Variants in C1orf159 observed in about 807,000 individuals in gnomAD.
The protein encoded by C1orf159 is uncharacterized protein C1orf159.
Under a neutral mutation model 25.6 loss-of-function variants are expected in C1orf159, and 19 were observed. The observed-to-expected ratio is 0.74, with a 90% CI of 0.52 to 1.09. The LOEUF (loss-of-function observed/expected upper bound fraction) is 1.09. C1orf159 is among the 50% of genes least tolerant of loss of function. The pLI is 0.00. For synonymous variants in C1orf159, 139 were observed against 124.7 expected, an observed-to-expected ratio of 1.12 and a Z score of -0.77; for missense variants, 274 against 290.6, an observed-to-expected ratio of 0.94 and a Z score of 0.42.
chr1:1,113,996 A>G (rs1646299379), intron 1 of C1orf159, among the ~76,000 whole-genome samples: 1 of 145,562 alleles, frequency 6.9e-6, no homozygotes, highest in Non-Finnish European at 1.5e-5. Context: ...GGCTCACTGC[A>G]ACCTCCGCCT....
rs1646249900 is a variant in C1orf159 at position 1,110,972 on chromosome 1, ATGGAT to A, written c.-136+5083_-136+5087del. Among the ~76,000 whole-genome samples, 1 of 152,250 alleles carries A rather than the reference ATGGAT, an allele frequency of 6.6e-6. No individual in the cohort carries two copies. Among genetic ancestry groups the A allele is most frequent in the South Asian group, 2.1e-4 (1 of 4,836 alleles). On this transcript the variant is annotated intron_variant, in intron 1 of 9. Transcript: ENST00000421241. The surrounding 1 kb of genome is among the most constrained non-coding windows in gnomAD (Gnocchi z 4.8). ...TGGAGCAGCCTGCGAGGCAATCTCC[ATGGAT>A]CACAGGCAGATTCTACATCACGACA...
intron 1 of C1orf159, among the ~76,000 whole-genome samples, chr1:1,107,081 C>T (rs913009787): frequency 6.6e-6 from 1 of 152,238 alleles, no homozygotes. Context: ...CGAGCCTCCC[C>T]AACGGGCACC....
At chr1:1,090,807 C>T in intron 3 of C1orf159, 3 of 1,326,470 alleles carry the variant, frequency 2.3e-6, no homozygotes, top group Non-Finnish European at 3.2e-6. Context: ...GCCTGGCTGG[C>T]ATTTCAGGGG....
At chr1:1,096,752 C>T (rs897867363) in intron 1 of C1orf159, among the ~76,000 whole-genome samples, 15 of 152,228 alleles carry the variant, frequency 9.9e-5, no homozygotes, top group Non-Finnish European at 2.1e-4. Flanking sequence ...TGAGACATGG[C>T]CTCACTCTGT....
At chr1:1,091,173 C>T (rs1050395184) in intron 3 of C1orf159, 12 of 618,354 alleles carry the variant, frequency 1.9e-5, no homozygotes, top group Admixed American at 1.5e-4. Context: ...TAGCGATGCG[C>T]GGCACGCTGT....
intron 1 of C1orf159, among the ~76,000 whole-genome samples, chr1:1,104,978 A>G (rs954622537): frequency 3.3e-5 from 5 of 152,234 alleles, no homozygotes; most frequent in African/African-American, 7.2e-5. Context: ...CATGCCAGAC[A>G]CCACGCGAAG....
chr1:1,091,000 G>C, intron 3 of C1orf159: 2 of 1,539,516 alleles, frequency 1.3e-6, no homozygotes, highest in Non-Finnish European at 1.8e-6. Context: ...GCAGTGAACG[G>C]TGAGGGCGTC....
intron 1 of C1orf159, among the ~76,000 whole-genome samples, chr1:1,098,708 T>C (rs1646045361): frequency 6.6e-5 from 10 of 152,138 alleles, no homozygotes; most frequent in Admixed American, 5.9e-4. Context: ...GTCTTTTGGG[T>C]TCACACCATT....
chr1:1,091,703 G>A (rs1645939738), intron 2 of C1orf159, 138 bp from the exon 3 acceptor site: 4 of 633,412 alleles, frequency 6.3e-6, no homozygotes, highest in Admixed American at 2.2e-5. Flanking sequence ...AAATGGAGAT[G>A]GGTGGGGCTG....
intron 1 of C1orf159, among the ~76,000 whole-genome samples, chr1:1,105,503 C>A (rs1646158560): frequency 6.6e-6 from 1 of 151,034 alleles, no homozygotes; most frequent in Admixed American, 6.6e-5. Context: ...AAGACCCCAT[C>A]TCAAAAAAAA....
chr1:1,112,665 C>T (rs868318662), intron 1 of C1orf159, among the ~76,000 whole-genome samples: 2 of 152,212 alleles, frequency 1.3e-5, no homozygotes, highest in African/African-American at 2.4e-5. Flanking sequence ...GAACACATGG[C>T]GCATGCTCCC....
chr1:1,105,739 G>GGGCGTGGT (rs71576600), intron 1 of C1orf159, among the ~76,000 whole-genome samples: 35,996 of 151,384 alleles, frequency 0.24, 5,757 homozygotes, highest in African/African-American at 0.46. Flanking sequence ...AAAATTAGCT[G>GGGCGTGGT]GGCGGGCGCC....
Position 1,088,974 on chromosome 1 carries a change from C to T in C1orf159, c.149-1377G>A, listed in dbSNP as rs527308323. 4.6e-5 allele frequency among the ~76,000 whole-genome samples: 7 copies of T among 152,312 alleles called. No homozygotes were observed. The South Asian group carries it at 1.0e-3, about 23-fold the overall frequency. Reference sequence around the variant, plus strand: ...GGCATCTCCTGGCACAGGGCTCGGGCGACTTCAGCGAGGCTCTGTCTGAGA... The same window carrying T: ...GGCATCTCCTGGCACAGGGCTCGGGTGACTTCAGCGAGGCTCTGTCTGAGA... On this transcript the variant is annotated intron_variant, in intron 4 of 9. Transcript: ENST00000421241.
intron 6 of C1orf159, among the ~76,000 whole-genome samples, chr1:1,086,817 G>A (rs891043629): frequency 6.6e-6 from 1 of 152,044 alleles, no homozygotes; most frequent in South Asian, 2.1e-4. Flanking sequence ...ACCTAAGAGC[G>A]TGCGGTGTGG....
At chr1:1,083,114 T>A in intron 9 of C1orf159, 127 bp from the exon 10 acceptor site, 1 of 745,228 alleles carries the variant, frequency 1.3e-6, no homozygotes, top group Non-Finnish European at 2.1e-6. Context: ...CTGTTTACTC[T>A]GACCAGGTGG....
At chr1:1,114,268 C>T (rs569638914) in intron 1 of C1orf159, among the ~76,000 whole-genome samples, 84 of 152,194 alleles carry the variant, frequency 5.5e-4, no homozygotes, top group African/African-American at 1.8e-3. Flanking sequence ...AGAGGGGGGC[C>T]CCTCTTCTGC....
At chr1:1,091,766 G>A (rs1021203816) in intron 2 of C1orf159, 1 of 247,408 alleles carries the variant, frequency 4.0e-6, no homozygotes, top group African/African-American at 3.0e-5. Flanking sequence ...GGAGGGTGGG[G>A]CCAAATGGAA....
chr1:1,107,768 T>C (rs1557435421), intron 1 of C1orf159, among the ~76,000 whole-genome samples: 1 of 152,170 alleles, frequency 6.6e-6, no homozygotes, highest in East Asian at 1.9e-4. Context: ...TATGGAAGCT[T>C]TGTTCTTTCG....
intron 1 of C1orf159, among the ~76,000 whole-genome samples, chr1:1,112,111 C>G (rs922940099): frequency 6.6e-6 from 1 of 152,152 alleles, no homozygotes; most frequent in Non-Finnish European, 1.5e-5. Context: ...TGTCAGGCCA[C>G]CATCAGGTGA....
Sources: allele counts gnomAD v4.1 joint callset (sites outside exome capture counted in the v4.1 genomes callset), GRCh38; gene constraint gnomAD v4.1.1; non-coding constraint Gnocchi (gnomAD v3.1); transcripts MANE v1.5; gene names NCBI Gene and HGNC (gene_info 2026-07-23, HGNC 2026-07-21).